Variants in CERS3 observed in about 807,000 individuals in gnomAD.
The protein encoded by CERS3 is LAG1 homolog, ceramide synthase 3.
A neutral mutation model predicts 50.3 loss-of-function variants in CERS3; 33 were observed. The ratio of observed to expected loss-of-function variants is 0.66; its 90% CI spans 0.50 to 0.88. CERS3 has a LOEUF of 0.88. Among genes scored for constraint, CERS3 ranks in the 40% least tolerant of loss-of-function variants. CERS3 has a pLI of 0.00. For synonymous variants in CERS3, 176 were observed against 155.2 expected, an observed-to-expected ratio of 1.13 and a Z score of -0.99; for missense variants, 470 against 460.3, an observed-to-expected ratio of 1.02 and a Z score of -0.19.
intron 9 of CERS3, among the ~76,000 whole-genome samples, chr15:100,470,704 G>C (rs1295951450): frequency 6.6e-6 from 1 of 152,186 alleles, no homozygotes; most frequent in Non-Finnish European, 1.5e-5. Flanking sequence ...GTAGACAGCA[G>C]CCCCTTTGCT....
chr15:100,523,212 G>A (rs2036688607), intron 1 of CERS3, among the ~76,000 whole-genome samples: 1 of 152,108 alleles, frequency 6.6e-6, no homozygotes, highest in Admixed American at 6.5e-5. Context: ...GTTTTGGATA[G>A]GACTCCTTGT....
intron 2 of CERS3, among the ~76,000 whole-genome samples, chr15:100,507,837 C>T (rs939720137): frequency 3.9e-5 from 6 of 152,246 alleles, no homozygotes; most frequent in Non-Finnish European, 5.9e-5. Context: ...GAGGCAGCGG[C>T]GGCCGTGACT....
At chr15:100,445,597 C>T (rs185658932) in intron 11 of CERS3, among the ~76,000 whole-genome samples, 261 of 152,194 alleles carry the variant, frequency 1.7e-3, no homozygotes, top group South Asian at 3.7e-3. Flanking sequence ...TTCTAACAAC[C>T]GCACAATATC....
chr15:100,540,007 A>C (rs1910412), intron 1 of CERS3, among the ~76,000 whole-genome samples: 78,378 of 151,984 alleles, frequency 0.52, 20,451 homozygotes, highest in South Asian at 0.6. Context: ...TGCTCCAGAA[A>C]TATGACTTCT....
chr15:100,535,195 A>T (rs964800689), intron 1 of CERS3, among the ~76,000 whole-genome samples: 1 of 152,190 alleles, frequency 6.6e-6, no homozygotes, highest in East Asian at 1.9e-4. Flanking sequence ...ATATTTAATT[A>T]ATTTTATTTT....
At chr15:100,426,056 T>G (rs1024613088) in intron 11 of CERS3, 2 of 152,334 alleles carry the variant, frequency 1.3e-5, no homozygotes, top group Admixed American at 6.5e-5. Context: ...GCCTCCCCAG[T>G]CATGTTACCT....
chr15:100,523,130 T>C (rs1234944336), intron 1 of CERS3, among the ~76,000 whole-genome samples: 2 of 152,236 alleles, frequency 1.3e-5, no homozygotes, highest in Non-Finnish European at 2.9e-5. Flanking sequence ...TGTTTTTCTG[T>C]GAAGTACCTG....
At chr15:100,411,166 GTTT>G (rs773603327) in intron 11 of CERS3, among the ~76,000 whole-genome samples, 1 of 151,866 alleles carries the variant, frequency 6.6e-6, no homozygotes, top group Non-Finnish European at 1.5e-5. Context: ...TTTGTTTTCT[GTTT>G]TTTTTCTTTT....
rs74331955 is a variant in CERS3, at chr15:100,410,192, G to A, written c.1000-7327C>T. ...TCTTTTAGAAGTCTCTGCCCCCAAC[G>A]ACTCCCTTTGGTTACACAAAACGAC... On this transcript the variant is annotated intron_variant, in intron 11 of 11. Transcript: ENST00000679737. Among the ~76,000 whole-genome samples, 1,461 of 152,244 alleles carry A rather than the reference G, an allele frequency of 9.6e-3. 26 individuals carry two copies. The highest frequency in any genetic ancestry group is 0.033 in the African/African-American group (1,369 of 41,542).
At chr15:100,497,602 A>G (rs765184435) in intron 3 of CERS3, among the ~76,000 whole-genome samples, 42 of 152,076 alleles carry the variant, frequency 2.8e-4, no homozygotes, top group Non-Finnish European at 4.0e-4. Flanking sequence ...CCAAAGATTT[A>G]TACAGTAAGG....
chr15:100,449,836 G>A (rs2034087830), intron 11 of CERS3, among the ~76,000 whole-genome samples: 1 of 151,996 alleles, frequency 6.6e-6, no homozygotes, highest in Non-Finnish European at 1.5e-5. Context: ...ACATAAAAAA[G>A]CAAGGAAATC....
chr15:100,486,806 G>A (rs2035499229), intron 4 of CERS3, among the ~76,000 whole-genome samples: 1 of 152,218 alleles, frequency 6.6e-6, no homozygotes, highest in South Asian at 2.1e-4. Flanking sequence ...CACCATCTAG[G>A]TGTGGGAGAT....
intron 1 of CERS3, among the ~76,000 whole-genome samples, chr15:100,539,626 A>G (rs999180837): frequency 5.3e-5 from 8 of 152,288 alleles, no homozygotes; most frequent in Middle Eastern, 3.4e-3. Flanking sequence ...AGCATGGGGG[A>G]AAGAAGAGCA....
At chr15:100,542,611 C>A (rs936682529) in intron 1 of CERS3, among the ~76,000 whole-genome samples, 1 of 152,136 alleles carries the variant, frequency 6.6e-6, no homozygotes, top group Non-Finnish European at 1.5e-5. Context: ...CTGAACTCTT[C>A]TATAGTTCCA....
At chr15:100,530,546 A>G (rs762170977), upstream of CERS3, among the ~76,000 whole-genome samples, 40 of 152,254 alleles carry the variant, frequency 2.6e-4, no homozygotes, top group Non-Finnish European at 1.5e-4. Flanking sequence ...TGCAACACCT[A>G]CTACTCTATC....
intron 1 of CERS3, among the ~76,000 whole-genome samples, chr15:100,526,478 C>CTGTG (rs1217852084): frequency 0.018 from 2,366 of 131,538 alleles, 56 homozygotes; most frequent in Non-Finnish European, 0.02. Context: ...CCTACATAAA[C>CTGTG]TGTGTGTGTG....
chr15:100,541,646 A>T (rs12901893), intron 1 of CERS3, among the ~76,000 whole-genome samples: 149,958 of 152,308 alleles, frequency 0.98, 73,861 homozygotes, highest in Middle Eastern at 1. Context: ...GAACGTGTTC[A>T]GTAAGACAGG....
At chr15:100,443,328 T>G (rs986322598) in intron 11 of CERS3, among the ~76,000 whole-genome samples, 1,752 of 145,118 alleles carry the variant, frequency 0.012, no homozygotes, top group African/African-American at 0.047. Context: ...GTTATCACTC[T>G]CCTGCTACAG....
chr15:100,544,552 G>GA (rs2037310403), intron 1 of CERS3: 1 of 149,796 alleles, frequency 6.7e-6, no homozygotes, highest in Non-Finnish European at 1.5e-5. Flanking sequence ...CACCTGCGGG[G>GA]GGCGCGGTCG....
Sources: gnomAD v4.1 joint callset for allele counts (sites outside exome capture counted in the v4.1 genomes callset) on GRCh38, gnomAD v4.1.1 for gene constraint, MANE v1.5 for transcripts, NCBI Gene and HGNC (gene_info 2026-07-23, HGNC 2026-07-21) for gene names.